Variants in HECW2 observed in about 807,000 individuals in gnomAD.
The protein encoded by HECW2 is E3 ubiquitin-protein ligase HECW2.
Under a neutral mutation model 175.2 loss-of-function variants are expected in HECW2, and 61 were observed. The ratio of observed to expected loss-of-function variants is 0.35; its 90% CI spans 0.28 to 0.43. The LOEUF (loss-of-function observed/expected upper bound fraction) is 0.43, where lower values mean the gene tolerates loss of function less well. Among genes scored for constraint, HECW2 ranks in the 20% least tolerant of loss-of-function variants. HECW2 has a pLI of 1.00. For synonymous variants in HECW2, 671 were observed against 731.0 expected (o/e 0.92, Z 1.32); for missense variants, 1,524 against 2,000.5 (o/e 0.76, Z 4.54).
chr2:196,286,042 G>A (rs184847871), intron 14 of HECW2, among the ~76,000 whole-genome samples: 16 of 152,264 alleles, frequency 1.1e-4, no homozygotes, highest in African/African-American at 1.7e-4. Flanking sequence ...GTATTTAGGC[G>A]TTCAACCTGT....
chr2:196,575,539 GA>G (rs1240455635), intron 1 of HECW2, among the ~76,000 whole-genome samples: 3 of 152,034 alleles, frequency 2.0e-5, no homozygotes, highest in Non-Finnish European at 4.4e-5. Flanking sequence ...AATGAATAAA[GA>G]AAATATGGTG....
chr2:196,536,615 C>G (rs1362654692), intron 1 of HECW2, among the ~76,000 whole-genome samples: 2 of 152,188 alleles, frequency 1.3e-5, no homozygotes, highest in African/African-American at 4.8e-5. Context: ...GTTCCCAGAC[C>G]CCCTCCAAGG....
intron 2 of HECW2, among the ~76,000 whole-genome samples, chr2:196,397,503 C>A (rs1694704096): frequency 6.6e-6 from 1 of 152,146 alleles, no homozygotes. Flanking sequence ...CAGCGGAGGG[C>A]AAGGATAAAA....
chr2:196,209,757 C>CTTTTTTTTT (rs1365319286), intron 28 of HECW2, among the ~76,000 whole-genome samples: 15 of 142,350 alleles, frequency 1.1e-4, no homozygotes, highest in African/African-American at 4.0e-4. Context: ...GTTTTTCTTT[C>CTTTTTTTTT]TTTCTTTCTT....
intron 1 of HECW2, among the ~76,000 whole-genome samples, chr2:196,538,323 G>A (rs1170118289): frequency 6.6e-6 from 1 of 152,130 alleles, no homozygotes; most frequent in Non-Finnish European, 1.5e-5. Flanking sequence ...GCCAGGCCCT[G>A]TCCCAAGAGA....
chr2:196,509,974 A>G (rs1450333400), intron 1 of HECW2, among the ~76,000 whole-genome samples: 1 of 152,110 alleles, frequency 6.6e-6, no homozygotes, highest in East Asian at 1.9e-4. Context: ...TCAACTCATA[A>G]TCTATTTATT....
At chr2:196,467,671 A>C (rs1697013474) in intron 1 of HECW2, among the ~76,000 whole-genome samples, 1 of 152,230 alleles carries the variant, frequency 6.6e-6, no homozygotes, top group African/African-American at 2.4e-5. Context: ...AGATTAAAAG[A>C]ATAATACTGG....
chr2:196,310,601 A>G (rs1226544277), intron 10 of HECW2, among the ~76,000 whole-genome samples: 1 of 152,222 alleles, frequency 6.6e-6, no homozygotes, highest in African/African-American at 2.4e-5. Context: ...GGTATAAGAA[A>G]GCATATGAAA....
chr2:196,288,477 G>GA (rs1690477192), intron 14 of HECW2: 1 of 152,250 alleles, frequency 6.6e-6, no homozygotes, highest in African/African-American at 2.4e-5. Flanking sequence ...ACACCAAAAA[G>GA]AAACCCTGCT....
At chr2:196,428,164 A>G (rs1695602845) in intron 2 of HECW2, among the ~76,000 whole-genome samples, 1 of 152,166 alleles carries the variant, frequency 6.6e-6, no homozygotes, top group Non-Finnish European at 1.5e-5. Flanking sequence ...TTGATGTTCT[A>G]CTAAATTCCT....
chr2:196,519,986 AAT>A (rs1575628273), intron 1 of HECW2, among the ~76,000 whole-genome samples: 1 of 152,242 alleles, frequency 6.6e-6, no homozygotes, highest in African/African-American at 2.4e-5. Flanking sequence ...TAGTGAAATT[AAT>A]AGTGTTTAAG....
chr2:196,438,642 A>C (rs1180280530), intron 1 of HECW2, among the ~76,000 whole-genome samples: 1 of 152,236 alleles, frequency 6.6e-6, no homozygotes, highest in African/African-American at 2.4e-5. Context: ...AGCTGACAAT[A>C]ATGTGCTAAT....
intron 17 of HECW2, among the ~76,000 whole-genome samples, chr2:196,270,713 T>A (rs1008519338): frequency 6.6e-6 from 1 of 152,168 alleles, no homozygotes; most frequent in Non-Finnish European, 1.5e-5. Context: ...TTATTTATTT[T>A]TTTTTTGAGA....
chr2:196,412,901 A>C (rs560922932), intron 2 of HECW2, among the ~76,000 whole-genome samples: 7 of 152,240 alleles, frequency 4.6e-5, no homozygotes, highest in Non-Finnish European at 8.8e-5. Context: ...AGCCCTCTGA[A>C]TTAGGAAATT....
intron 22 of HECW2, among the ~76,000 whole-genome samples, chr2:196,227,512 T>C (rs984948186): frequency 6.6e-6 from 1 of 152,182 alleles, no homozygotes; most frequent in Non-Finnish European, 1.5e-5. Flanking sequence ...AAATGGCTAA[T>C]ACGGTAAGTG....
chr2:196,243,728 C>A (rs575868341), intron 19 of HECW2, among the ~76,000 whole-genome samples: 3 of 151,500 alleles, frequency 2.0e-5, no homozygotes, highest in Admixed American at 6.6e-5. Context: ...TACAGTCTTG[C>A]ACCTCCACGC....
At chr2:196,261,198 A>G (rs1449199675) in intron 17 of HECW2, among the ~76,000 whole-genome samples, 1 of 152,240 alleles carries the variant, frequency 6.6e-6, no homozygotes, top group Admixed American at 6.5e-5. Context: ...TTGCATCATG[A>G]AAATGATCAA....
At chr2:196,591,692 AC>A (rs1197687418) in intron 1 of HECW2, among the ~76,000 whole-genome samples, 2 of 151,708 alleles carry the variant, frequency 1.3e-5, no homozygotes, top group Non-Finnish European at 2.9e-5. Flanking sequence ...GAATACAATG[AC>A]CCTTTATGCC....
At chr2:196,385,030 C>T (rs1388886724) in intron 2 of HECW2, among the ~76,000 whole-genome samples, 1 of 152,070 alleles carries the variant, frequency 6.6e-6, no homozygotes, top group Non-Finnish European at 1.5e-5. Context: ...AATCCTCCTG[C>T]CTCAGCTTTC....
Sources: allele counts gnomAD v4.1 joint callset (sites outside exome capture counted in the v4.1 genomes callset), GRCh38; gene constraint gnomAD v4.1.1; transcripts MANE v1.5; gene names NCBI Gene and HGNC (gene_info 2026-07-23, HGNC 2026-07-21).